MBNL2: variants seen among roughly 807,000 people sequenced by gnomAD.
The protein encoded by MBNL2 is muscleblind like splicing regulator 2, also known as muscleblind-like protein 2.
MBNL2 carries 17 observed loss-of-function variants against 41.9 expected under a neutral mutation model. The ratio of observed to expected loss-of-function variants is 0.41; its 90% CI spans 0.28 to 0.61. MBNL2 has a LOEUF of 0.61. Ranked by LOEUF, MBNL2 falls within the 20% of genes least tolerant of loss-of-function variation. The probability of loss-of-function intolerance (pLI) is 0.35; values close to 1 mark genes in which losing one functional copy is unlikely to be tolerated. For missense variants in MBNL2, 336 were observed against 505.6 expected (o/e 0.66, Z 3.22); for synonymous variants, 195 against 182.9 (o/e 1.07, Z -0.53).
At chr13:97,261,021 G>A (rs1349067036) in intron 1 of MBNL2, among the ~76,000 whole-genome samples, 2 of 151,966 alleles carry the variant, frequency 1.3e-5, no homozygotes, top group African/African-American at 4.8e-5. Context: ...CCCCATCCCA[G>A]TAATCTATCA....
upstream of MBNL2, among the ~76,000 whole-genome samples, chr13:97,217,168 AT>A: frequency 6.6e-6 from 1 of 150,378 alleles, no homozygotes; most frequent in East Asian, 1.9e-4. Flanking sequence ...ATTATACATA[AT>A]ATATATGTCT....
chr13:97,351,102 C>T (rs1000777662), intron 5 of MBNL2, among the ~76,000 whole-genome samples: 1 of 152,242 alleles, frequency 6.6e-6, no homozygotes, highest in Admixed American at 6.5e-5. Flanking sequence ...TGCATGAAAA[C>T]AACATTAATC....
In MBNL2 at chr13:97,354,450, C is replaced by G. The variant is rs114642483; in HGVS notation, c.805-2346C>G. ...AACATGTTAATATGCACACCCCGCC[C>G]TCCAAGACCTCAGTGTTTACTTTAA... On this transcript the variant is annotated intron_variant, in intron 5 of 8. Transcript: ENST00000679496. Among the ~76,000 whole-genome samples the G allele has an allele frequency of 2.0e-3, 302 of 152,328 alleles. 1 individual carries two copies. Among genetic ancestry groups the G allele is most frequent in the African/African-American group, 6.6e-3 (276 of 41,568 alleles).
intron 8 of MBNL2, among the ~76,000 whole-genome samples, chr13:97,372,584 T>C (rs888273584): frequency 6.6e-6 from 1 of 152,146 alleles, no homozygotes; most frequent in Non-Finnish European, 1.5e-5. Flanking sequence ...AATTAGAAAA[T>C]CTCATTTTCT....
chr13:97,256,730 G>A (rs1263918843), intron 1 of MBNL2, among the ~76,000 whole-genome samples: 1 of 152,208 alleles, frequency 6.6e-6, no homozygotes, highest in African/African-American at 2.4e-5. Flanking sequence ...GTAGAGAGGA[G>A]GAAACTGAAG....
intron 2 of MBNL2, among the ~76,000 whole-genome samples, chr13:97,300,443 G>A (rs2057504015): frequency 6.6e-6 from 1 of 152,112 alleles, no homozygotes; most frequent in African/African-American, 2.4e-5. Flanking sequence ...AGATCATCAG[G>A]CATTAGAGTC....
chr13:97,187,148 C>T, the MBNL2 span, among the ~76,000 whole-genome samples: 1 of 152,262 alleles, frequency 6.6e-6, no homozygotes, highest in East Asian at 1.9e-4. Context: ...TTAAGAAATG[C>T]ACAAACCAAG....
chr13:97,321,449 G>A (rs553671883), intron 2 of MBNL2, among the ~76,000 whole-genome samples: 56 of 152,264 alleles, frequency 3.7e-4, no homozygotes, highest in African/African-American at 9.4e-4. Context: ...CACCTCCATC[G>A]AGTGCATTAT....
intron 2 of MBNL2, among the ~76,000 whole-genome samples, chr13:97,304,498 A>G (rs954954551): frequency 1.3e-5 from 2 of 152,180 alleles, no homozygotes; most frequent in African/African-American, 4.8e-5. Flanking sequence ...AGAATATCTC[A>G]TATACTCTAA....
chr13:97,189,412 T>TGG, the MBNL2 span, among the ~76,000 whole-genome samples: 2 of 152,196 alleles, frequency 1.3e-5, no homozygotes, highest in Admixed American at 1.3e-4. Flanking sequence ...TCAAGGTAGA[T>TGG]GGAGTACATT....
intron 2 of MBNL2, among the ~76,000 whole-genome samples, chr13:97,281,361 G>A (rs190572275): frequency 6.6e-6 from 1 of 152,174 alleles, no homozygotes; most frequent in African/African-American, 2.4e-5. Context: ...GGAGTTCTGT[G>A]TAGGAATTTC....
At chr13:97,372,147 A>G (rs2064444697) in intron 8 of MBNL2, among the ~76,000 whole-genome samples, 2 of 152,244 alleles carry the variant, frequency 1.3e-5, no homozygotes, top group Admixed American at 1.3e-4. Flanking sequence ...TGCTAGGGAA[A>G]GAGATTCTTA....
chr13:97,322,223 C>T (rs1048147959), intron 2 of MBNL2, among the ~76,000 whole-genome samples: 2 of 152,134 alleles, frequency 1.3e-5, no homozygotes, highest in African/African-American at 2.4e-5. Context: ...CTTCCCCAGC[C>T]GGTGCATAAA....
intron 8 of MBNL2, among the ~76,000 whole-genome samples, chr13:97,388,403 A>C (rs1271527422): frequency 6.6e-6 from 1 of 151,908 alleles, no homozygotes; most frequent in African/African-American, 2.4e-5. Context: ...TCTATTCATC[A>C]AACATTAAAT....
chr13:97,213,141 C>A, the MBNL2 span, among the ~76,000 whole-genome samples: 1 of 152,282 alleles, frequency 6.6e-6, no homozygotes, highest in Non-Finnish European at 1.5e-5. Context: ...CTAAGGACCT[C>A]AGTCAAGTAA....
chr13:97,341,670 C>T (rs1323479201), intron 3 of MBNL2, among the ~76,000 whole-genome samples: 7 of 152,164 alleles, frequency 4.6e-5, no homozygotes, highest in Admixed American at 4.6e-4. Context: ...TAGAACCACC[C>T]CTTCTAGCCA....
chr13:97,175,869 C>A, the MBNL2 span, among the ~76,000 whole-genome samples: 2 of 152,236 alleles, frequency 1.3e-5, no homozygotes, highest in Non-Finnish European at 2.9e-5. Flanking sequence ...TAATGCATAG[C>A]CAAAGCAGGC....
Position 97,268,094 on chromosome 13 carries a change from T to TTCCC in MBNL2, c.-604-7535_-604-7534insCTCC, listed in dbSNP as rs1200409018. Among the ~76,000 whole-genome samples the TTCCC allele has an allele frequency of 4.6e-3, 697 of 151,760 alleles. 6 individuals carry two copies. The highest frequency in any genetic ancestry group is 8.1e-3 in the Non-Finnish European group (550 of 67,934). Reference sequence around the variant, plus strand: ...TTTCTTTCCTTCCTTCCTTCCTTCCTTCCTTCCTTTCTTTCTTTTGAGACA... The same window carrying TTCCC: ...TTTCTTTCCTTCCTTCCTTCCTTCCTTCCCTCCTTCCTTTCTTTCTTTTGAGACA... On this transcript the variant is annotated intron_variant, in intron 1 of 8. Coordinates refer to ENST00000679496, the MANE Select transcript of MBNL2 (RefSeq NM_001382683.1). This position sits in a 1 kb window ranked among gnomAD's most constrained non-coding sequence, Gnocchi z 4.6.
In MBNL2 at chr13:97,276,326, G is replaced by A. The variant is rs1469326253; in HGVS notation, c.91G>A (p.Asp31Asn). 2 of 1,613,900 alleles carry A rather than the reference G, an allele frequency of 1.2e-6. No individual in the cohort carries two copies. Among genetic ancestry groups the A allele is most frequent in the South Asian group, 2.2e-5 (2 of 91,084 alleles). ...QFQRGTCSRS[D>N]EECKFAHPPK... ...TCAAAGAGGAACATGCTCACGCTCT[G>A]ATGAAGAATGCAAATTTGCTCATCC... Residue 31 changes from aspartate to asparagine, a missense_variant, in exon 2 of 9, where the codon GAT (aspartate) becomes AAT (asparagine). Transcript: ENST00000679496.
Sources: allele counts gnomAD v4.1 joint callset (sites outside exome capture counted in the v4.1 genomes callset), GRCh38; gene constraint gnomAD v4.1.1; non-coding constraint Gnocchi (gnomAD v3.1); transcripts MANE v1.5; gene names NCBI Gene and HGNC (gene_info 2026-07-23, HGNC 2026-07-21).